The following HTR2C variants were observed in gnomAD, a reference collection of about 807,000 sequenced individuals.
HTR2C encodes 5-hydroxytryptamine (serotonin) receptor 2C, G protein-coupled.
In HTR2C, 5 loss-of-function variants were observed where a neutral mutation model predicts 21.0. The ratio of observed to expected loss-of-function variants is 0.24; its 90% CI spans 0.12 to 0.50. The LOEUF (loss-of-function observed/expected upper bound fraction) is 0.50, where lower values mean the gene tolerates loss of function less well. HTR2C is among the 20% of genes least tolerant of loss of function. HTR2C has a pLI of 0.98. For synonymous variants in HTR2C, 150 were observed against 145.3 expected (o/e 1.03, Z -0.23); for missense variants, 271 against 371.2 (o/e 0.73, Z 2.22).
chrX:114,654,461 A>G (rs192074854), intron 2 of HTR2C, among the ~76,000 whole-genome samples: 1 of 110,091 alleles, frequency 9.1e-6, no homozygotes, highest in Admixed American at 9.8e-5. Flanking sequence ...ATATATTTTG[A>G]AGAGTTAAAG....
intron 1 of HTR2C, among the ~76,000 whole-genome samples, chrX:114,592,753 T>C (rs1927685457): frequency 8.9e-6 from 1 of 111,986 alleles, no homozygotes; most frequent in South Asian, 3.7e-4. Context: ...GGGTTAGTAA[T>C]TGAAAGCTCA....
intron 5 of HTR2C, among the ~76,000 whole-genome samples, chrX:114,894,502 T>G (rs1191757226): frequency 9.1e-6 from 1 of 110,181 alleles, no homozygotes; most frequent in Non-Finnish European, 1.9e-5. Context: ...TGGGGAAAAT[T>G]TACTAGATAA....
At chrX:114,605,522 G>C (rs782372097) in intron 1 of HTR2C, among the ~76,000 whole-genome samples, 1 of 111,142 alleles carries the variant, frequency 9.0e-6, no homozygotes, top group Non-Finnish European at 1.9e-5. Context: ...ACGTGTAAAA[G>C]AATGCCTGGA....
At chrX:114,763,480 T>C (rs2069903249) in intron 4 of HTR2C, among the ~76,000 whole-genome samples, 1 of 111,887 alleles carries the variant, frequency 8.9e-6, no homozygotes, top group Admixed American at 9.6e-5. Context: ...GCAATACTTG[T>C]CCCTGTCCCC....
chrX:114,694,417 A>T (rs1556415526), intron 2 of HTR2C, among the ~76,000 whole-genome samples: 1 of 50,938 alleles, frequency 2.0e-5, no homozygotes, highest in African/African-American at 7.1e-5. Context: ...AACTCTGTTC[A>T]TTCTATTCCT....
chrX:114,780,243 G>A (rs782077963), intron 4 of HTR2C, among the ~76,000 whole-genome samples: 1 of 110,979 alleles, frequency 9.0e-6, no homozygotes, highest in East Asian at 2.8e-4. Flanking sequence ...CATGAATACC[G>A]GGAAACAACT....
chrX:114,794,715 T>C (rs1471140433), intron 4 of HTR2C, among the ~76,000 whole-genome samples: 3 of 109,407 alleles, frequency 2.7e-5, no homozygotes, highest in Non-Finnish European at 5.7e-5. Flanking sequence ...CTCATCATTT[T>C]TTATGGCTGC....
chrX:114,827,931 T>C (rs1443068617), intron 4 of HTR2C, among the ~76,000 whole-genome samples: 1 of 111,097 alleles, frequency 9.0e-6, no homozygotes, highest in African/African-American at 3.3e-5. Flanking sequence ...GGTATGATTT[T>C]TTTTTTGGTT....
At chrX:114,833,337 T>A (rs2070747799) in intron 4 of HTR2C, among the ~76,000 whole-genome samples, 1 of 105,369 alleles carries the variant, frequency 9.5e-6, no homozygotes, top group Admixed American at 1.0e-4. Context: ...TCCTGGACTC[T>A]TTTTGGTTGG....
intron 3 of HTR2C, among the ~76,000 whole-genome samples, chrX:114,728,550 C>A (rs1290349007): frequency 9.0e-6 from 1 of 110,827 alleles, no homozygotes; most frequent in Non-Finnish European, 1.9e-5. Context: ...TAATTGAAAC[C>A]AGGAAAGTGA....
intron 2 of HTR2C, chrX:114,639,565 A>G (rs782217809): frequency 8.9e-6 from 1 of 112,938 alleles, no homozygotes; most frequent in Non-Finnish European, 1.9e-5. Context: ...TAATCAATGC[A>G]TTGAGGACTC....
chrX:114,891,407 G>A (rs921617822), intron 5 of HTR2C, among the ~76,000 whole-genome samples: 2 of 109,922 alleles, frequency 1.8e-5, no homozygotes, highest in African/African-American at 3.3e-5. Flanking sequence ...TTATTGTGAA[G>A]ATTATTGTTT....
intron 2 of HTR2C, among the ~76,000 whole-genome samples, chrX:114,698,338 G>A (rs1247554415): frequency 9.1e-6 from 1 of 110,366 alleles, no homozygotes; most frequent in East Asian, 2.9e-4. Flanking sequence ...GGTAGAAAAA[G>A]TTCCGTTATC....
chrX:114,684,126 A>G (rs1337450198), intron 2 of HTR2C, among the ~76,000 whole-genome samples: 1 of 111,867 alleles, frequency 8.9e-6, no homozygotes, highest in Non-Finnish European at 1.9e-5. Context: ...AAACTGTATC[A>G]ATAGATTTCA....
At chrX:114,622,218 T>C (rs1433728584) in intron 2 of HTR2C, among the ~76,000 whole-genome samples, 1 of 111,645 alleles carries the variant, frequency 9.0e-6, no homozygotes, top group Non-Finnish European at 1.9e-5. Flanking sequence ...GGATTGAAGA[T>C]TTGAAAAATG....
chrX:114,723,416 A>G (rs1272211968), intron 2 of HTR2C, among the ~76,000 whole-genome samples: 1 of 109,218 alleles, frequency 9.2e-6, no homozygotes, highest in African/African-American at 3.3e-5. Flanking sequence ...TTTTTTCTTT[A>G]TTAGTCTTGC....
At chrX:114,644,201 T>A (rs1332848036) in intron 2 of HTR2C, among the ~76,000 whole-genome samples, 3 of 104,087 alleles carry the variant, frequency 2.9e-5, no homozygotes, top group Non-Finnish European at 3.9e-5. Flanking sequence ...ACAAAATTAG[T>A]CTGGCATGGT....
At chrX:114,867,860 T>C (rs1377462357) in intron 5 of HTR2C, among the ~76,000 whole-genome samples, 8 of 111,363 alleles carry the variant, frequency 7.2e-5, no homozygotes, top group African/African-American at 2.6e-4. Flanking sequence ...GTTCCCTTGG[T>C]CTGTATGTCT....
chrX:114,775,152 C>A (rs2070043966), intron 4 of HTR2C: 2 of 523,577 alleles, frequency 3.8e-6, no homozygotes, highest in Non-Finnish European at 3.5e-6. Flanking sequence ...CAAGTGAATT[C>A]TTGGATGACA....
Sources: allele counts gnomAD v4.1 joint callset (sites outside exome capture counted in the v4.1 genomes callset), GRCh38; gene constraint gnomAD v4.1.1; transcripts MANE v1.5; gene names NCBI Gene and HGNC (gene_info 2026-07-23, HGNC 2026-07-21).